The following GRM3 variants were observed in gnomAD, a reference collection of about 807,000 sequenced individuals.
GRM3 encodes glutamate metabotropic receptor 3, also known as metabotropic glutamate receptor 3.
GRM3 carries 26 observed loss-of-function variants against 70.5 expected under a neutral mutation model. The observed-to-expected ratio is 0.37, with a 90% confidence interval of 0.27 to 0.51. The LOEUF (loss-of-function observed/expected upper bound fraction) is 0.51, where lower values mean the gene tolerates loss of function less well. Among genes scored for constraint, GRM3 ranks in the 20% least tolerant of loss-of-function variants. The pLI, the probability that GRM3 is intolerant of heterozygous loss-of-function variation, is 0.93. For missense variants in GRM3, 859 were observed against 1,123.8 expected (o/e 0.76, Z 3.37); for synonymous variants, 443 against 434.9 (o/e 1.02, Z -0.23).
At chr7:86,823,238 A>C (rs1798159388) in intron 3 of GRM3, among the ~76,000 whole-genome samples, 1 of 152,194 alleles carries the variant, frequency 6.6e-6, no homozygotes, top group Non-Finnish European at 1.5e-5. Context: ...AATGAGAACC[A>C]AAATTGGGAT....
chr7:86,646,028 T>C (rs543212003), intron 1 of GRM3, among the ~76,000 whole-genome samples: 2 of 125,754 alleles, frequency 1.6e-5, no homozygotes, highest in Non-Finnish European at 3.3e-5. Context: ...GGAGGGAGTT[T>C]AGGGGGTGGA....
chr7:86,755,117 C>G (rs989408875), intron 1 of GRM3, among the ~76,000 whole-genome samples: 2 of 151,890 alleles, frequency 1.3e-5, no homozygotes, highest in Admixed American at 6.6e-5. Flanking sequence ...CATAAGCCAC[C>G]CATCAAGCCA....
At chr7:86,751,443 G>T (rs1224307229) in intron 1 of GRM3, among the ~76,000 whole-genome samples, 3 of 151,930 alleles carry the variant, frequency 2.0e-5, no homozygotes, top group African/African-American at 7.3e-5. Context: ...CCTACCACAG[G>T]GCCTGGCACA....
rs1441085929 is a variant in GRM3, at chr7:86,765,216, G to A, written c.71G>A (p.Gly24Glu). The change falls in exon 2 of 6, where the codon GGG becomes GAG. Residue 24 changes from glycine to glutamate, a missense_variant. Coordinates refer to ENST00000361669, the MANE Select transcript of GRM3 (RefSeq NM_000840.3). ...TCAAAGGGATTTTTACTCTCTTTAGGGGACCATAACTTTCTAAGGAGAGAG... is the reference window on the plus strand; with the variant it reads ...TCAAAGGGATTTTTACTCTCTTTAGAGGACCATAACTTTCTAAGGAGAGAG... Reference protein sequence around the residue: ...LFSKGFLLSLGDHNFLRREIK... With the variant: ...LFSKGFLLSLEDHNFLRREIK... 6.2e-7 allele frequency: 1 copy of A among 1,612,856 alleles called. No homozygotes were observed. Among genetic ancestry groups the A allele is most frequent in the Non-Finnish European group, 8.5e-7 (1 of 1,179,564 alleles).
chr7:86,649,998 C>T (rs2115766558), intron 1 of GRM3, among the ~76,000 whole-genome samples: 1 of 152,168 alleles, frequency 6.6e-6, no homozygotes, highest in East Asian at 1.9e-4. Context: ...AAAGTCTGTT[C>T]CTTAACAGAT....
chr7:86,773,669 C>T (rs528327653), intron 2 of GRM3, among the ~76,000 whole-genome samples: 2 of 152,208 alleles, frequency 1.3e-5, no homozygotes, highest in African/African-American at 2.4e-5. Context: ...ATTGCTCCTG[C>T]TTCAACTCCT....
intron 1 of GRM3, among the ~76,000 whole-genome samples, chr7:86,698,607 A>C (rs1048763049): frequency 4.7e-5 from 7 of 149,524 alleles, no homozygotes; most frequent in Non-Finnish European, 1.0e-4. Context: ...ATATATAAAC[A>C]CTATAAAAGC....
chr7:86,834,297 G>T (rs1266354300), intron 3 of GRM3, among the ~76,000 whole-genome samples: 2 of 152,018 alleles, frequency 1.3e-5, no homozygotes, highest in African/African-American at 4.8e-5. Context: ...TGGAACTCTT[G>T]TTGGTTACAT....
intron 1 of GRM3, among the ~76,000 whole-genome samples, chr7:86,747,266 T>A (rs1184580167): frequency 6.6e-6 from 1 of 152,090 alleles, no homozygotes. Flanking sequence ...TTCATTACAG[T>A]TTCTAAACCC....
chr7:86,780,855 T>C (rs968794799), intron 2 of GRM3, among the ~76,000 whole-genome samples: 22 of 152,286 alleles, frequency 1.4e-4, no homozygotes, highest in African/African-American at 4.8e-4. Flanking sequence ...CAAGGGATGA[T>C]TGGTCATGAT....
chr7:86,761,266 T>C (rs1584221607), intron 1 of GRM3, among the ~76,000 whole-genome samples: 1 of 152,254 alleles, frequency 6.6e-6, no homozygotes, highest in South Asian at 2.1e-4. Flanking sequence ...TAGAAGAATG[T>C]GCATATTCCT....
chr7:86,827,302 TA>T (rs1466837193), intron 3 of GRM3, among the ~76,000 whole-genome samples: 1 of 152,146 alleles, frequency 6.6e-6, no homozygotes, highest in Non-Finnish European at 1.5e-5. Context: ...GTCTTAGCCA[TA>T]AAGTAAATAA....
intron 1 of GRM3, among the ~76,000 whole-genome samples, chr7:86,763,367 G>A (rs752153538): frequency 6.6e-6 from 1 of 152,046 alleles, no homozygotes; most frequent in Admixed American, 6.6e-5. Flanking sequence ...AAAATAATAC[G>A]TTCATCTTAT....
At chr7:86,677,345 G>A (rs1305779046) in intron 1 of GRM3, among the ~76,000 whole-genome samples, 1 of 151,986 alleles carries the variant, frequency 6.6e-6, no homozygotes, top group Non-Finnish European at 1.5e-5. Flanking sequence ...TCCTGCCTAA[G>A]TCTAATAAGC....
At chr7:86,768,208 A>G (rs888682977) in intron 2 of GRM3, among the ~76,000 whole-genome samples, 2 of 152,194 alleles carry the variant, frequency 1.3e-5, no homozygotes, top group Non-Finnish European at 2.9e-5. Flanking sequence ...TCTGTGGAAA[A>G]TGCCTCACCA....
intron 1 of GRM3, among the ~76,000 whole-genome samples, chr7:86,720,283 A>G (rs1795426263): frequency 6.6e-6 from 1 of 152,034 alleles, no homozygotes; most frequent in South Asian, 2.1e-4. Flanking sequence ...GATAGAGGCT[A>G]CTGGAAGAAA....
intron 2 of GRM3, among the ~76,000 whole-genome samples, chr7:86,782,978 C>T (rs1033631129): frequency 1.4e-4 from 22 of 152,238 alleles, no homozygotes; most frequent in African/African-American, 4.8e-4. Flanking sequence ...CTTCTCCATT[C>T]TAAAACAATT....
intron 1 of GRM3, among the ~76,000 whole-genome samples, chr7:86,693,158 T>C (rs754034226): frequency 6.6e-6 from 1 of 152,238 alleles, no homozygotes; most frequent in Non-Finnish European, 1.5e-5. Context: ...TAGCTTGCTC[T>C]ATGTGAGACT....
chr7:86,748,842 C>T lies in GRM3; in HGVS notation c.-140-16164C>T, dbSNP rs1266121325. On this transcript the variant is annotated intron_variant, in intron 1 of 5. Transcript: ENST00000361669. ...ATACTTATCTTCTCCTTTTGGCTTACCCATGTCGAAGATAGTGTCATTGTT... is the reference window on the plus strand; with the variant it reads ...ATACTTATCTTCTCCTTTTGGCTTATCCATGTCGAAGATAGTGTCATTGTT... Among the ~76,000 whole-genome samples the T allele has an allele frequency of 3.9e-5, 6 of 152,028 alleles. No individual in the cohort carries two copies. The East Asian group carries it at 1.2e-3, about 29-fold the overall frequency.
Sources: allele counts gnomAD v4.1 joint callset (sites outside exome capture counted in the v4.1 genomes callset), GRCh38; gene constraint gnomAD v4.1.1; transcripts MANE v1.5; gene names NCBI Gene and HGNC (gene_info 2026-07-23, HGNC 2026-07-21).